LRP1B: variants seen among roughly 807,000 people sequenced by gnomAD.
The protein encoded by LRP1B is low-density lipoprotein receptor-related protein 1B.
A neutral mutation model predicts 556.6 loss-of-function variants in LRP1B; 217 were observed. The observed-to-expected ratio is 0.39, with a 90% CI of 0.35 to 0.44. The LOEUF (loss-of-function observed/expected upper bound fraction) is 0.44, where lower values mean the gene tolerates loss of function less well. Ranked by LOEUF, LRP1B falls within the 20% of genes least tolerant of loss-of-function variation. LRP1B has a pLI of 1.00. For synonymous variants in LRP1B, 2,047 were observed against 1,865.8 expected (o/e 1.10, Z -2.50); for missense variants, 5,053 against 5,620.8 (o/e 0.90, Z 3.23).
intron 2 of LRP1B, among the ~76,000 whole-genome samples, chr2:141,691,243 A>G (rs1445519144): frequency 6.6e-6 from 1 of 151,876 alleles, no homozygotes. Flanking sequence ...GCAGCTAGGA[A>G]TGACTCCTCT....
intron 54 of LRP1B, 95 bp downstream of exon 54, chr2:140,502,868 A>C: frequency 8.0e-7 from 1 of 1,249,386 alleles, no homozygotes; most frequent in Non-Finnish European, 1.1e-6. Flanking sequence ...AATAATTTGC[A>C]TTTTCTCTCA....
intron 79 of LRP1B, among the ~76,000 whole-genome samples, chr2:140,332,006 AT>A (rs1680843282): frequency 6.6e-6 from 1 of 151,758 alleles, no homozygotes; most frequent in African/African-American, 2.4e-5. Flanking sequence ...CAATCTTTTG[AT>A]TTTCTATTGA....
At chr2:140,423,186 T>C (rs1685519605) in intron 66 of LRP1B, among the ~76,000 whole-genome samples, 1 of 152,210 alleles carries the variant, frequency 6.6e-6, no homozygotes, top group Non-Finnish European at 1.5e-5. Context: ...GAATCCCATG[T>C]AATTGCTGTG....
rs1294297864 is a variant in LRP1B, at chr2:141,229,563, T to TA, written c.593-124dup. On this transcript the variant is annotated intron_variant, in intron 5 of 90. Transcript: ENST00000389484. ...TAAATTCATAACAAAAATTTTCTTA[T>TA]AAAAAAACTTTCTATAAGTCATATG... is the stretch of plus-strand genomic sequence containing the variant. 67 of 752,752 alleles carry TA rather than the reference T, an allele frequency of 8.9e-5. 1 individual carries two copies. The East Asian group carries it at 1.8e-3, about 20-fold the overall frequency. The allele number at this position is 752,752 out of a possible 1,614,324, so 46.6% of individuals were successfully genotyped here.
At position 141,830,182 on chromosome 2, in the gene LRP1B, G is replaced by A. The variant is rs929580430; in HGVS notation, c.83-19781C>T. On this transcript the variant is annotated intron_variant, in intron 1 of 90. Transcript: ENST00000389484. ...TTCTCTAATAAAAACTGTAACCTTA[G>A]AAATTTCTCCTTAAGCAGACTACTT... is the stretch of plus-strand genomic sequence containing the variant. 5.3e-5 allele frequency among the ~76,000 whole-genome samples: 8 copies of A among 151,854 alleles called. 1 individual carries two copies. Among genetic ancestry groups the A allele is most frequent in the Admixed American group, 3.3e-4 (5 of 15,236 alleles).
chr2:142,020,194 A>G (rs1574601768), intron 1 of LRP1B, among the ~76,000 whole-genome samples: 1 of 152,144 alleles, frequency 6.6e-6, no homozygotes, highest in East Asian at 1.9e-4. Flanking sequence ...GGTTCACAGG[A>G]CCAAGTCGTT....
chr2:141,825,372 C>T (rs1024323752), intron 1 of LRP1B, among the ~76,000 whole-genome samples: 1 of 152,122 alleles, frequency 6.6e-6, no homozygotes, highest in African/African-American at 2.4e-5. Flanking sequence ...CAAGAATCTC[C>T]TTCCCTAGTA....
chr2:140,625,553 C>T (rs566701), intron 41 of LRP1B, among the ~76,000 whole-genome samples: 76,283 of 151,940 alleles, frequency 0.5, 19,662 homozygotes, highest in African/African-American at 0.62. Flanking sequence ...GAACACCTGA[C>T]TTAAAAAAAT....
chr2:140,551,620 T>C (rs1253597000), intron 43 of LRP1B, among the ~76,000 whole-genome samples: 2 of 152,156 alleles, frequency 1.3e-5, no homozygotes, highest in Non-Finnish European at 2.9e-5. Flanking sequence ...TCATTATTGG[T>C]TTGTAGTTTT....
intron 3 of LRP1B, among the ~76,000 whole-genome samples, chr2:141,359,774 C>T (rs7609421): frequency 0.43 from 63,028 of 146,840 alleles, 14,683 homozygotes; most frequent in Non-Finnish European, 0.56. Context: ...CGCCCCGCCC[C>T]GCCCCGCCCC....
At position 140,574,060 on chromosome 2, in the gene LRP1B, C is replaced by T. The variant is rs375977524; in HGVS notation, c.7194+24571G>A. Among the ~76,000 whole-genome samples the T allele has an allele frequency of 6.6e-5, 10 of 152,084 alleles. No individual in the cohort carries two copies. In the East Asian group the frequency reaches 1.2e-3, roughly 18 times the overall value. On this transcript the variant is annotated intron_variant, in intron 43 of 90. Coordinates refer to ENST00000389484, the MANE Select transcript of LRP1B (RefSeq NM_018557.3). ...TTTAAAATTTAATGTTTTACTTTCTCTATATGTTATATGCATTTATCTATA... is the reference window on the plus strand; with the variant it reads ...TTTAAAATTTAATGTTTTACTTTCTTTATATGTTATATGCATTTATCTATA...
At chr2:141,695,213 C>A (rs1691692984) in intron 2 of LRP1B, among the ~76,000 whole-genome samples, 1 of 151,918 alleles carries the variant, frequency 6.6e-6, no homozygotes, top group African/African-American at 2.4e-5. Context: ...TAAATTCAAT[C>A]CTGTCACTTG....
chr2:141,160,203 T>C (rs1159439409), intron 7 of LRP1B, among the ~76,000 whole-genome samples: 1 of 152,110 alleles, frequency 6.6e-6, no homozygotes, highest in African/African-American at 2.4e-5. Flanking sequence ...AAATTAAAAC[T>C]ATAATAACAT....
chr2:140,735,131 C>T (rs288119), intron 35 of LRP1B, among the ~76,000 whole-genome samples: 31,306 of 152,000 alleles, frequency 0.21, 3,672 homozygotes, highest in African/African-American at 0.33. Context: ...AAAGAGGACA[C>T]GGTTCTGAGT....
At chr2:140,615,962 T>C (rs1323677313) in intron 41 of LRP1B, among the ~76,000 whole-genome samples, 1 of 152,058 alleles carries the variant, frequency 6.6e-6, no homozygotes, top group African/African-American at 2.4e-5. Context: ...CTACTCATTA[T>C]AGGTAGTGAG....
chr2:140,370,627 C>G lies in LRP1B; in HGVS notation c.11008+83G>C, dbSNP rs1162888891. ...ATTATTTAAAGATTCTATCCTCTGC[C>G]TCTAGCATACACTGTATATTCTGCA... On this transcript the variant is annotated intron_variant, in intron 71 of 90. Transcript: ENST00000389484. 2.7e-6 allele frequency: 4 copies of G among 1,503,146 alleles called. No homozygotes were observed. In the Admixed American group the frequency reaches 6.0e-5, roughly 22 times the overall value. The allele number at this position is 1,503,146 out of a possible 1,614,324, so 93.1% of individuals were successfully genotyped here.
At chr2:141,968,611 G>A (rs1701631577) in intron 1 of LRP1B, among the ~76,000 whole-genome samples, 1 of 151,764 alleles carries the variant, frequency 6.6e-6, no homozygotes, top group Non-Finnish European at 1.5e-5. Flanking sequence ...TGAAAAAAAA[G>A]TGAGTTTCCA....
At chr2:141,145,051 A>G (rs1178897675) in intron 7 of LRP1B, among the ~76,000 whole-genome samples, 1 of 152,194 alleles carries the variant, frequency 6.6e-6, no homozygotes, top group Non-Finnish European at 1.5e-5. Context: ...GCTCTTTTCT[A>G]ACTTATACAA....
rs2105293925 is a variant in LRP1B at position 141,229,321 on chromosome 2, G to C, written c.712C>G (p.Leu238Val). 2.5e-6 allele frequency: 4 copies of C among 1,612,578 alleles called. No individual in the cohort carries two copies. The highest frequency in any genetic ancestry group is 3.4e-6 in the Non-Finnish European group (4 of 1,178,902). The change falls in exon 6 of 91, where the codon CTG (leucine) becomes GTG (valine). Residue 238 changes from leucine (L) to valine (V), a missense_variant. Transcript: ENST00000389484. ...ATATCTTCATTATAAATAAAATCCA[G>C]AGTATGAATTTCATTTCCATTGACT... ...SSVNGNEIHT[L>V]DFIYNEDMIC...
Sources: allele counts gnomAD v4.1 joint callset (sites outside exome capture counted in the v4.1 genomes callset), GRCh38; gene constraint gnomAD v4.1.1; transcripts MANE v1.5; gene names NCBI Gene and HGNC (gene_info 2026-07-23, HGNC 2026-07-21).